ADRA1B: variants seen among roughly 807,000 people sequenced by gnomAD.
ADRA1B encodes alpha-1B adrenergic receptor.
ADRA1B carries 17 observed loss-of-function variants against 17.9 expected under a neutral mutation model. That is an observed-to-expected ratio of 0.95 (90% confidence interval 0.65 to 1.42). The LOEUF is 1.42. ADRA1B is among the 40% of genes most tolerant of loss of function. The pLI is 0.00. For synonymous variants in ADRA1B, 366 were observed against 327.6 expected, an observed-to-expected ratio of 1.12 and a Z score of -1.27; for missense variants, 681 against 722.1, an observed-to-expected ratio of 0.94 and a Z score of 0.65.
the ADRA1B span, among the ~76,000 whole-genome samples, chr5:159,988,338 T>C: frequency 6.6e-6 from 1 of 152,170 alleles, no homozygotes; most frequent in African/African-American, 2.4e-5. Context: ...TTTAGCCCAG[T>C]AAAACTGACT....
chr5:159,907,418 C>T (rs968866845), intron 1 of ADRA1B, among the ~76,000 whole-genome samples: 6 of 152,044 alleles, frequency 3.9e-5, no homozygotes, highest in Admixed American at 1.3e-4. Flanking sequence ...ATGCCTAGTA[C>T]ACAGAAGTTC....
At chr5:159,985,866 G>C in the ADRA1B span, among the ~76,000 whole-genome samples, 1 of 152,220 alleles carries the variant, frequency 6.6e-6, no homozygotes, top group Admixed American at 6.5e-5. Context: ...GAAGGGAAGA[G>C]AGTTCCGTCT....
intron 1 of ADRA1B, chr5:159,869,735 A>G (rs1486224951): frequency 6.6e-6 from 1 of 152,232 alleles, no homozygotes. Flanking sequence ...TGATACCTTG[A>G]ACCAGTTAGT....
At position 159,917,563 on chromosome 5, in the gene ADRA1B, C is replaced by A. The variant is rs1754357164; in HGVS notation, c.658C>A (p.Leu220Ile). 3.1e-6 allele frequency: 5 copies of A among 1,614,012 alleles called. No individual in the cohort carries two copies. The East Asian group carries it at 1.1e-4, about 36-fold the overall frequency. The change falls in exon 1 of 2, where the codon CTA becomes ATA. Residue 220 changes from leucine to isoleucine, a missense_variant. By Grantham distance (5) the Leu-to-Ile change is conservative. Transcript: ENST00000306675. Reference sequence around the variant, plus strand: ...CTTCTACATCCCTCTGGCGGTCATTCTAGTCATGTACTGCCGTGTCTATAT... The same window carrying A: ...CTTCTACATCCCTCTGGCGGTCATTATAGTCATGTACTGCCGTGTCTATAT... ...GSFYIPLAVI[L>I]VMYCRVYIVA... is the part of the protein sequence containing the mutation.
At chr5:159,916,321 C>T (rs893834631), upstream of ADRA1B, 1 of 152,006 alleles carries the variant, frequency 6.6e-6, no homozygotes, top group Non-Finnish European at 1.5e-5. Flanking sequence ...CCCCGCCCCC[C>T]GCAGAGGGCG....
chr5:159,931,498 T>C (rs961956706), intron 1 of ADRA1B, among the ~76,000 whole-genome samples: 4 of 152,188 alleles, frequency 2.6e-5, no homozygotes, highest in African/African-American at 9.6e-5. Flanking sequence ...TGTTGATTTT[T>C]TATTCGTTTC....
chr5:159,911,336 G>A (rs2113134592), intron 1 of ADRA1B, among the ~76,000 whole-genome samples: 1 of 152,318 alleles, frequency 6.6e-6, no homozygotes, highest in Non-Finnish European at 1.5e-5. Flanking sequence ...TAGCACGAAG[G>A]CATAAGAGAG....
chr5:159,932,481 C>T (rs1754837762), intron 1 of ADRA1B, among the ~76,000 whole-genome samples: 1 of 152,142 alleles, frequency 6.6e-6, no homozygotes, highest in Non-Finnish European at 1.5e-5. Flanking sequence ...TAATGCTGCA[C>T]TGAATTCCAT....
In ADRA1B at chr5:159,958,486, T is replaced by G. The variant is rs1448837197; in HGVS notation, c.950-13393T>G. ...TATGATTCTATGACAGGTTTTAATA[T>G]TTACAGAGCTGAGTTTACCCATTTT... On this transcript the variant is annotated intron_variant, in intron 1 of 1. Coordinates refer to ENST00000306675, the MANE Select transcript of ADRA1B (RefSeq NM_000679.4). Among the ~76,000 whole-genome samples, 4 of 152,220 alleles carry G rather than the reference T, an allele frequency of 2.6e-5. No individual in the cohort carries two copies. In the East Asian group the frequency reaches 5.8e-4, roughly 22 times the overall value.
chr5:159,955,124 C>A (rs949187384), intron 1 of ADRA1B: 14 of 984,640 alleles, frequency 1.4e-5, no homozygotes, highest in Non-Finnish European at 1.7e-5. Context: ...CTTCAGGATA[C>A]CGAAAGACAA....
chr5:159,894,309 T>C (rs1399515970), intron 1 of ADRA1B, among the ~76,000 whole-genome samples: 1 of 152,244 alleles, frequency 6.6e-6, no homozygotes, highest in Non-Finnish European at 1.5e-5. Context: ...TCTGCAATCC[T>C]TTAACTAAAA....
At chr5:159,970,030 C>T (rs573193400) in intron 1 of ADRA1B, among the ~76,000 whole-genome samples, 1 of 152,162 alleles carries the variant, frequency 6.6e-6, no homozygotes, top group South Asian at 2.1e-4. Flanking sequence ...CATTTAACCT[C>T]TCCAAGTTTC....
Position 159,957,521 on chromosome 5 carries a change from A to C in ADRA1B, c.950-14358A>C, listed in dbSNP as rs1207509523. 4.6e-5 allele frequency among the ~76,000 whole-genome samples: 7 copies of C among 151,950 alleles called. No homozygotes were observed. In the South Asian group the frequency reaches 8.3e-4, roughly 18 times the overall value. ...GACTCTGTCTCAAAAAAAAAAAAAA[A>C]AAAATTATATTTTTCATTAATTCAT... On this transcript the variant is annotated intron_variant, in intron 1 of 1. Transcript: ENST00000306675.
At chr5:159,896,486 C>T (rs1019465466) in intron 1 of ADRA1B, among the ~76,000 whole-genome samples, 1 of 152,140 alleles carries the variant, frequency 6.6e-6, no homozygotes, top group Non-Finnish European at 1.5e-5. Context: ...AAATGTGTTC[C>T]TGGAATTCTC....
chr5:159,901,106 T>C (rs1754095859), intron 1 of ADRA1B, among the ~76,000 whole-genome samples: 1 of 151,700 alleles, frequency 6.6e-6, no homozygotes, highest in South Asian at 2.1e-4. Flanking sequence ...AGACATATAA[T>C]ATATATGTAC....
chr5:159,912,375 T>C (rs921488894), upstream of ADRA1B, among the ~76,000 whole-genome samples: 2 of 152,224 alleles, frequency 1.3e-5, no homozygotes, highest in African/African-American at 4.8e-5. Context: ...ATGACAGAAG[T>C]GCAATTAGAA....
chr5:159,962,931 TTTTC>T (rs1387669936), intron 1 of ADRA1B, among the ~76,000 whole-genome samples: 1,544 of 114,734 alleles, frequency 0.013, 64 homozygotes, highest in African/African-American at 0.056. Context: ...TTTTCTTTTC[TTTTC>T]TTTTTTTTTT....
intron 1 of ADRA1B, among the ~76,000 whole-genome samples, chr5:159,879,862 G>A (rs953934904): frequency 2.6e-5 from 4 of 152,098 alleles, no homozygotes; most frequent in African/African-American, 7.2e-5. Flanking sequence ...TGGGCGTGGT[G>A]GCGGGCGCCT....
intron 1 of ADRA1B, among the ~76,000 whole-genome samples, chr5:159,921,974 A>G (rs893611691): frequency 1.3e-5 from 2 of 152,250 alleles, no homozygotes; most frequent in Admixed American, 6.5e-5. Flanking sequence ...GCAAGGGGGA[A>G]GTTTTTACAC....
Sources: gnomAD v4.1 joint callset for allele counts (sites outside exome capture counted in the v4.1 genomes callset) on GRCh38, gnomAD v4.1.1 for gene constraint, MANE v1.5 for transcripts, NCBI Gene and HGNC (gene_info 2026-07-23, HGNC 2026-07-21) for gene names.